The following ZNF382 variants were observed in gnomAD, a reference collection of about 807,000 sequenced individuals.
ZNF382 encodes the protein zinc finger protein 382, also known as KRAB/zinc finger suppressor protein 1.
A neutral mutation model predicts 38.8 loss-of-function variants in ZNF382; 20 were observed. That is an observed-to-expected ratio of 0.51 (90% CI 0.36 to 0.75). The LOEUF (loss-of-function observed/expected upper bound fraction) is 0.75. Among genes scored for constraint, ZNF382 ranks in the 30% least tolerant of loss-of-function variants. ZNF382 has a pLI of 0.00. For missense variants in ZNF382, 546 were observed against 654.1 expected (o/e 0.83, Z 1.80); for synonymous variants, 202 against 223.1 (o/e 0.91, Z 0.84).
chr19:36,624,050 T>C, intron 4 of ZNF382, among the ~76,000 whole-genome samples: 1 of 151,124 alleles, frequency 6.6e-6, no homozygotes, highest in Non-Finnish European at 1.5e-5. Context: ...GACCACGCTG[T>C]TGCACTCCAG....
intron 2 of ZNF382, chr19:36,608,560 T>C (rs1460032457): frequency 6.6e-6 from 1 of 152,210 alleles, no homozygotes; most frequent in Non-Finnish European, 1.5e-5. Flanking sequence ...CAGATGCTAA[T>C]TGGTTCTCTT....
intron 3 of ZNF382, 24 bp from the exon 4 acceptor site, chr19:36,610,626 A>G: frequency 6.3e-7 from 1 of 1,596,010 alleles, no homozygotes; most frequent in Non-Finnish European, 8.5e-7. Context: ...AGCTTAGACC[A>G]AAAGTCTCAT....
At chr19:36,626,034 C>A in intron 4 of ZNF382, 96 bp from the exon 5 acceptor site, 1 of 802,890 alleles carries the variant, frequency 1.2e-6, no homozygotes, top group Non-Finnish European at 1.8e-6. Context: ...TTGTAGATCA[C>A]GGTAGTGAGA....
intron 4 of ZNF382, among the ~76,000 whole-genome samples, chr19:36,615,022 G>A (rs556764128): frequency 1.0e-4 from 13 of 123,892 alleles, no homozygotes; most frequent in East Asian, 4.8e-4. Flanking sequence ...TCTCTCTGTC[G>A]CCCAGGCTGG....
chr19:36,627,410 T>C lies in ZNF382; in HGVS notation c.1513T>C (p.Ser505Pro). ...PQCGKAFSRK[S>P]NLIRHQKTHT... ...GTGTGGGAAAGCCTTCAGTAGGAAATCAAACCTCATTCGCCATCAGAAAAC... is the reference window on the plus strand; with the variant it reads ...GTGTGGGAAAGCCTTCAGTAGGAAACCAAACCTCATTCGCCATCAGAAAAC... Residue 505 changes from serine to proline, a missense_variant, in exon 5 of 5, where the codon TCA becomes CCA. Physicochemically the swap from Ser to Pro is moderately conservative, Grantham distance 74. Coordinates refer to ENST00000292928, the MANE Select transcript of ZNF382 (RefSeq NM_032825.5). 6.2e-7 allele frequency: 1 copy of C among 1,613,996 alleles called. No homozygotes were observed. The highest frequency in any genetic ancestry group is 8.5e-7 in the Non-Finnish European group (1 of 1,179,998).
chr19:36,619,954 A>C (rs535258075), intron 4 of ZNF382, among the ~76,000 whole-genome samples: 1 of 152,106 alleles, frequency 6.6e-6, no homozygotes, highest in Non-Finnish European at 1.5e-5. Context: ...GATGGTCTCT[A>C]TCTCCTGACC....
chr19:36,606,885 C>T (rs1246075206), intron 1 of ZNF382, among the ~76,000 whole-genome samples: 1 of 151,808 alleles, frequency 6.6e-6, no homozygotes, highest in African/African-American at 2.4e-5. Context: ...CGAGACCAGC[C>T]TGACCAACAT....
rs1481065419 is a variant in ZNF382 at position 36,628,715 on chromosome 19, G to C, written c.*1165G>C. On this transcript the variant is annotated 3_prime_UTR_variant, in exon 5 of 5. Coordinates refer to ENST00000292928, the MANE Select transcript of ZNF382 (RefSeq NM_032825.5). Reference sequence around the variant, plus strand: ...AAGTCCTGTGACTGTGTTGAAGTTAGGGCGTGGGGAGGAATATAGTCTTTA... The same window carrying C: ...AAGTCCTGTGACTGTGTTGAAGTTACGGCGTGGGGAGGAATATAGTCTTTA... 6.6e-6 allele frequency: 1 copy of C among 152,640 alleles called. No individual in the cohort carries two copies. The highest frequency in any genetic ancestry group is 1.5e-5 in the Non-Finnish European group (1 of 68,060). 9.5% of individuals were successfully genotyped at this position (152,640 alleles called of 1,614,324 possible).
At chr19:36,621,022 G>A (rs552744715) in intron 4 of ZNF382, among the ~76,000 whole-genome samples, 1 of 152,058 alleles carries the variant, frequency 6.6e-6, no homozygotes, top group South Asian at 2.1e-4. Flanking sequence ...GCCTCCGACA[G>A]TGCTGGGATT....
At chr19:36,626,077 C>A in intron 4 of ZNF382, 53 bp from the exon 5 acceptor site, 1 of 1,356,258 alleles carries the variant, frequency 7.4e-7, no homozygotes, top group Non-Finnish European at 9.9e-7. Context: ...TATGTATACC[C>A]AATCCATAGC....
Position 36,626,432 on chromosome 19 carries a change from A to G in ZNF382, c.535A>G (p.Ile179Val). ...ACTCCTCAATACCAAGCATGAGAAA[A>G]TTCATCCTGCAGTGAATCTCCATAA... ...KSLLNTKHEK[I>V]HPAVNLHKQT... The change falls in exon 5 of 5, where the codon ATT becomes GTT. Residue 179 changes from isoleucine to valine, a missense_variant. Physicochemically the swap from Ile to Val is conservative, Grantham distance 29. Coordinates refer to ENST00000292928, the MANE Select transcript of ZNF382 (RefSeq NM_032825.5). 6.2e-7 allele frequency: 1 copy of G among 1,605,828 alleles called. No homozygotes were observed. The highest frequency in any genetic ancestry group is 8.5e-7 in the Non-Finnish European group (1 of 1,177,574).
In ZNF382 at chr19:36,626,415, A is replaced by G. The variant is rs762264461; in HGVS notation, c.518A>G (p.Asn173Ser). 3.1e-6 allele frequency: 5 copies of G among 1,605,054 alleles called. No individual in the cohort carries two copies. Among genetic ancestry groups the G allele is most frequent in the African/African-American group, 2.7e-5 (2 of 74,316 alleles). ...ACTGGATGGGAGAAATCACTCCTCAATACCAAGCATGAGAAAATTCATCCT... is the reference window on the plus strand; with the variant it reads ...ACTGGATGGGAGAAATCACTCCTCAGTACCAAGCATGAGAAAATTCATCCT... ...DSTGWEKSLL[N>S]TKHEKIHPAV... The change falls in exon 5 of 5, where the codon AAT becomes AGT. Residue 173 changes from asparagine (N) to serine (S), a missense_variant. By Grantham distance (46) the Asn-to-Ser change is conservative. Coordinates refer to ENST00000292928, the MANE Select transcript of ZNF382 (RefSeq NM_032825.5).
intron 4 of ZNF382, among the ~76,000 whole-genome samples, chr19:36,622,379 CACAGTT>C (rs1160993231): frequency 6.6e-6 from 1 of 152,108 alleles, no homozygotes; most frequent in African/African-American, 2.4e-5. Context: ...CTGTTATACT[CACAGTT>C]ACAGTTTGCT....
chr19:36,619,937 T>C (rs1450639471), intron 4 of ZNF382, among the ~76,000 whole-genome samples: 2 of 152,048 alleles, frequency 1.3e-5, no homozygotes, highest in African/African-American at 4.8e-5. Flanking sequence ...TTCACCGTGT[T>C]AGCCAGGATG....
At chr19:36,623,255 T>C (rs911844950) in intron 4 of ZNF382, among the ~76,000 whole-genome samples, 3 of 152,182 alleles carry the variant, frequency 2.0e-5, no homozygotes, top group Non-Finnish European at 4.4e-5. Context: ...ATCCCCTAAC[T>C]TCAGATAACA....
intron 1 of ZNF382, among the ~76,000 whole-genome samples, chr19:36,606,292 C>T (rs1305167384): frequency 1.3e-5 from 2 of 150,336 alleles, no homozygotes; most frequent in East Asian, 1.9e-4. Flanking sequence ...AATAGCATTC[C>T]ATTGGGGACA....
At chr19:36,611,595 C>T (rs2037078526) in intron 4 of ZNF382, among the ~76,000 whole-genome samples, 1 of 152,130 alleles carries the variant, frequency 6.6e-6, no homozygotes, top group African/African-American at 2.4e-5. Flanking sequence ...GTGAATATTG[C>T]TGCTATGAAC....
chr19:36,627,197 A>G lies in ZNF382; in HGVS notation c.1300A>G (p.Lys434Glu). 1 of 1,614,184 alleles carries G rather than the reference A, an allele frequency of 6.2e-7. No homozygotes were observed. The highest frequency in any genetic ancestry group is 8.5e-7 in the Non-Finnish European group (1 of 1,180,030). Reference sequence around the variant, plus strand: ...TCATCAGAGAACTCACACAGGAGAGAAACCCTATATTTGCAATGAATGTGG... The same window carrying G: ...TCATCAGAGAACTCACACAGGAGAGGAACCCTATATTTGCAATGAATGTGG... ...TVHQRTHTGE[K>E]PYICNECGKS... is the part of the protein sequence containing the mutation. Residue 434 changes from lysine to glutamate, a missense_variant, in exon 5 of 5, where the codon AAA becomes GAA. Transcript: ENST00000292928.
At chr19:36,622,499 A>T (rs1467183310) in intron 4 of ZNF382, among the ~76,000 whole-genome samples, 1 of 152,204 alleles carries the variant, frequency 6.6e-6, no homozygotes, top group Non-Finnish European at 1.5e-5. Flanking sequence ...GGAGTCATGG[A>T]TATCAATCCT....
Sources: allele counts gnomAD v4.1 joint callset (sites outside exome capture counted in the v4.1 genomes callset), GRCh38; gene constraint gnomAD v4.1.1; transcripts MANE v1.5; gene names NCBI Gene and HGNC (gene_info 2026-07-23, HGNC 2026-07-21).